ZSCAN5A: variants seen among roughly 807,000 people sequenced by gnomAD.
ZSCAN5A encodes the protein zinc finger and SCAN domain containing 5A.
Under a neutral mutation model 23.7 loss-of-function variants are expected in ZSCAN5A, and 12 were observed. The observed-to-expected ratio is 0.51, with a 90% confidence interval of 0.32 to 0.82. The LOEUF is 0.82. Ranked by LOEUF, ZSCAN5A falls within the 40% of genes least tolerant of loss-of-function variation. The probability of loss-of-function intolerance (pLI) is 0.03; values close to 1 mark genes in which losing one functional copy is unlikely to be tolerated. For synonymous variants in ZSCAN5A, 257 were observed against 239.9 expected (o/e 1.07, Z -0.66); for missense variants, 597 against 617.9 (o/e 0.97, Z 0.36).
intron 2 of ZSCAN5A, among the ~76,000 whole-genome samples, chr19:56,294,745 C>T (rs1176379180): frequency 6.6e-6 from 1 of 152,182 alleles, no homozygotes; most frequent in Admixed American, 6.5e-5. Flanking sequence ...GATGTCCACC[C>T]ACCGATGAAT....
At chr19:56,258,354 T>G (rs2036866462) in intron 2 of ZSCAN5A, among the ~76,000 whole-genome samples, 1 of 148,444 alleles carries the variant, frequency 6.7e-6, no homozygotes, top group African/African-American at 2.6e-5. Context: ...AATGGAGTCC[T>G]TGTCCTTGAA....
At chr19:56,323,512 A>G (rs1205266164) in intron 2 of ZSCAN5A, among the ~76,000 whole-genome samples, 3 of 147,976 alleles carry the variant, frequency 2.0e-5, no homozygotes, top group Non-Finnish European at 4.5e-5. Flanking sequence ...GAATTTATGG[A>G]TGCAGAACCC....
chr19:56,228,530 T>G (rs1366538261), intron 2 of ZSCAN5A: 10 of 852,470 alleles, frequency 1.2e-5, no homozygotes, highest in Non-Finnish European at 1.4e-5. Context: ...TGCTGAAGTA[T>G]TTGGTGGCCT....
rs765803270 is a variant in ZSCAN5A at position 56,221,594 on chromosome 19, G to C, written c.1472C>G (p.Pro491Arg). Reference sequence around the variant, plus strand: ...ATGCAATCACTGAGAAGTAGCTTCTGGATGTGTTTTCTGGTGGCGTCTTAA... The same window carrying C: ...ATGCAATCACTGAGAAGTAGCTTCTCGATGTGTTTTCTGGTGGCGTCTTAA... ...KLLRRHQKTHPEATSQ is the reference protein window; with the variant it reads ...KLLRRHQKTHREATSQ The change falls in exon 6 of 6, where the codon CCA (proline) becomes CGA (arginine). Residue 491 changes from proline to arginine, a missense_variant. Pro to Arg is a moderately radical substitution (Grantham distance 103). This residue lies in a region of ZSCAN5A where 87 missense variants were observed against 74.4 expected (regional missense o/e 1.17). Transcript: ENST00000683990. 6.5e-5 allele frequency: 104 copies of C among 1,603,248 alleles called. No individual in the cohort carries two copies. The highest frequency in any genetic ancestry group is 8.1e-5 in the Non-Finnish European group (95 of 1,174,890).
chr19:56,281,912 C>G (rs960844015), intron 2 of ZSCAN5A, among the ~76,000 whole-genome samples: 2 of 152,184 alleles, frequency 1.3e-5, no homozygotes, highest in South Asian at 2.1e-4. Context: ...AGGAGGCCAA[C>G]AAGCCTCTGT....
chr19:56,340,126 A>G (rs190001266), intron 2 of ZSCAN5A, among the ~76,000 whole-genome samples: 19 of 152,194 alleles, frequency 1.2e-4, no homozygotes, highest in African/African-American at 4.1e-4. Context: ...CCATTTTGCT[A>G]TGGAGACTCA....
At chr19:56,245,639 T>G (rs1027414987) in intron 2 of ZSCAN5A, among the ~76,000 whole-genome samples, 4 of 149,166 alleles carry the variant, frequency 2.7e-5, no homozygotes, top group African/African-American at 1.0e-4. Context: ...GCATGTAGGG[T>G]GGGGGGTCAG....
At chr19:56,253,609 G>T (rs542439474) in intron 2 of ZSCAN5A, among the ~76,000 whole-genome samples, 19 of 96,666 alleles carry the variant, frequency 2.0e-4, no homozygotes, top group African/African-American at 1.2e-3. Context: ...GGCTGGAGGT[G>T]AGGGTTGTGA....
chr19:56,258,897 C>T (rs1274487575), intron 2 of ZSCAN5A, among the ~76,000 whole-genome samples: 1 of 152,166 alleles, frequency 6.6e-6, no homozygotes, highest in African/African-American at 2.4e-5. Context: ...CCTCAGCTGT[C>T]CCATTGTCCA....
rs2033414966 is a variant in ZSCAN5A at position 56,222,740 on chromosome 19, C to T, written c.590G>A (p.Gly197Glu). ...ACTCTTGTGTAGCAGAAAGTCCTCT[C>T]CCTGAAGAGGAAAAACCAAGAGTAA... is the stretch of plus-strand genomic sequence containing the variant. ...PRVPALSRRQ[G>E]EDFLLHKSID... Residue 197 changes from glycine to glutamate, a missense_variant and splice_region_variant, in exon 5 of 6, where the codon GGA (glycine) becomes GAA (glutamate). Around this residue, in one of 5 missense-constraint regions of ZSCAN5A, gnomAD observed 406 missense variants for 353.2 expected, o/e 1.15. Transcript: ENST00000683990. 6.2e-7 allele frequency: 1 copy of T among 1,614,004 alleles called. No individual in the cohort carries two copies. The highest frequency in any genetic ancestry group is 1.1e-5 in the South Asian group (1 of 91,084).
chr19:56,280,908 A>C (rs1253846018), intron 2 of ZSCAN5A, among the ~76,000 whole-genome samples: 1 of 152,172 alleles, frequency 6.6e-6, no homozygotes, highest in Non-Finnish European at 1.5e-5. Flanking sequence ...ACCATAACAC[A>C]TACACATTTG....
intron 2 of ZSCAN5A, among the ~76,000 whole-genome samples, chr19:56,262,382 A>T (rs1030969016): frequency 6.6e-6 from 1 of 150,626 alleles, no homozygotes; most frequent in Non-Finnish European, 1.5e-5. Flanking sequence ...TAAAAGTTGT[A>T]TGTTACAGTA....
rs149533881 is a variant in ZSCAN5A, at chr19:56,222,708, C to T, written c.622G>A (p.Val208Ile). Residue 208 changes from valine (V) to isoleucine (I), a missense_variant, in exon 5 of 6, where the codon GTA becomes ATA. This residue lies in a region of ZSCAN5A where 406 missense variants were observed against 353.2 expected (regional missense o/e 1.15). Coordinates refer to ENST00000683990, the MANE Select transcript of ZSCAN5A (RefSeq NM_001322064.3). ...EDFLLHKSIDVTGDPKSLRPK... is the reference protein window; with the variant it reads ...EDFLLHKSIDITGDPKSLRPK... ...CTCAGAGACTTTGGGTCACCTGTTA[C>T]GTCAATACTCTTGTGTAGCAGAAAG... is the stretch of plus-strand genomic sequence containing the variant. The T allele has an allele frequency of 1.5e-5, 25 of 1,614,114 alleles. No individual in the cohort carries two copies. The highest frequency in any genetic ancestry group is 8.3e-5 in the Admixed American group (5 of 60,018).
intron 1 of ZSCAN5A, among the ~76,000 whole-genome samples, chr19:56,366,698 C>T (rs1568770176): frequency 6.6e-6 from 1 of 152,214 alleles, no homozygotes; most frequent in Non-Finnish European, 1.5e-5. Flanking sequence ...GCCCTTCCCT[C>T]ATGCCTCTTC....
At chr19:56,321,427 G>A in intron 2 of ZSCAN5A, 1 of 667,648 alleles carries the variant, frequency 1.5e-6, no homozygotes, top group Non-Finnish European at 2.8e-6. Context: ...CACAGAGTCT[G>A]TGAAATGTCC....
chr19:56,322,957 C>T (rs1185171284), intron 2 of ZSCAN5A, among the ~76,000 whole-genome samples: 7 of 145,288 alleles, frequency 4.8e-5, no homozygotes, highest in African/African-American at 1.0e-4. Context: ...TGCAGTGGCG[C>T]GATCTCTGCT....
At chr19:56,288,077 G>A (rs537794811) in intron 2 of ZSCAN5A, among the ~76,000 whole-genome samples, 43 of 152,284 alleles carry the variant, frequency 2.8e-4, no homozygotes, top group Non-Finnish European at 4.6e-4. Flanking sequence ...CACGAGGCTG[G>A]TGTGGCAGAG....
chr19:56,281,012 TA>T (rs2038654843), intron 2 of ZSCAN5A, among the ~76,000 whole-genome samples: 1 of 152,240 alleles, frequency 6.6e-6, no homozygotes, highest in Non-Finnish European at 1.5e-5. Context: ...TAACTACGAA[TA>T]GCCTACTGTT....
At chr19:56,232,595 G>A (rs1447755367) in intron 2 of ZSCAN5A, among the ~76,000 whole-genome samples, 2 of 151,974 alleles carry the variant, frequency 1.3e-5, no homozygotes, top group Non-Finnish European at 2.9e-5. Context: ...GCAAGCCACA[G>A]CCATCAACCT....
Sources: allele counts gnomAD v4.1 joint callset (sites outside exome capture counted in the v4.1 genomes callset), GRCh38; gene constraint gnomAD v4.1.1; regional missense constraint gnomAD v4.1.1; transcripts MANE v1.5; gene names NCBI Gene and HGNC (gene_info 2026-07-23, HGNC 2026-07-21).